PIGN: variants seen among roughly 807,000 people sequenced by gnomAD.
PIGN encodes the protein phosphatidylinositol glycan anchor biosynthesis class N.
PIGN carries 117 observed loss-of-function variants against 125.4 expected under a neutral mutation model. That is an observed-to-expected ratio of 0.93 (90% confidence interval 0.80 to 1.09). PIGN has a LOEUF of 1.09. Ranked by LOEUF, PIGN falls within the 50% of genes least tolerant of loss-of-function variation. The pLI is 0.00. For missense variants in PIGN, 1,075 were observed against 1,094.9 expected (o/e 0.98, Z 0.26); for synonymous variants, 392 against 377.8 (o/e 1.04, Z -0.44).
chr18:62,065,611 C>T (rs941015983), intron 30 of PIGN, among the ~76,000 whole-genome samples: 48 of 152,004 alleles, frequency 3.2e-4, no homozygotes, highest in Middle Eastern at 3.4e-3. Flanking sequence ...AGGTGGTGGG[C>T]GCCTGTAGTC....
At chr18:62,037,330 T>C (rs997083227), downstream of PIGN, among the ~76,000 whole-genome samples, 3 of 152,250 alleles carry the variant, frequency 2.0e-5, no homozygotes, top group Non-Finnish European at 2.9e-5. Flanking sequence ...ATTTAGTCTC[T>C]TGGAACTTCA....
rs1218581451 is a variant in PIGN at position 62,113,284 on chromosome 18, T to C, written c.1284A>G (p.Ala428=). 3.7e-6 allele frequency: 6 copies of C among 1,611,774 alleles called. No individual in the cohort carries two copies. Among genetic ancestry groups the C allele is most frequent in the Non-Finnish European group, 1.7e-6 (2 of 1,178,926 alleles). ...VSLCKELIHL[A]LKGLSYYHTY... Reference sequence around the variant, plus strand: ...TGTGATAATAGGACAATCCTTTCAATGCAAGATGAATTAGCTCCTTGCAAA... The same window carrying C: ...TGTGATAATAGGACAATCCTTTCAACGCAAGATGAATTAGCTCCTTGCAAA... The change falls in exon 16 of 31, where the codon GCA becomes GCG. Residue 428 remains alanine, a synonymous_variant. Transcript: ENST00000640252.
chr18:62,177,490 T>C (rs529104222), intron 1 of PIGN, among the ~76,000 whole-genome samples: 1 of 152,334 alleles, frequency 6.6e-6, no homozygotes, highest in East Asian at 1.9e-4. Context: ...TTAACGTCTT[T>C]GTCTACTAAG....
At chr18:62,053,044 A>G (rs372731247) in intron 30 of PIGN, 12 of 319,714 alleles carry the variant, frequency 3.8e-5, no homozygotes, top group African/African-American at 1.5e-4. Flanking sequence ...GGTAAAGACA[A>G]TAAGTTTTCC....
At chr18:62,061,746 T>C (rs993886318) in intron 30 of PIGN, among the ~76,000 whole-genome samples, 1 of 152,144 alleles carries the variant, frequency 6.6e-6, no homozygotes, top group African/African-American at 2.4e-5. Flanking sequence ...ATCAGCGACA[T>C]GACAAGAAAC....
At chr18:62,086,891 GACA>G (rs146114135) in intron 25 of PIGN, among the ~76,000 whole-genome samples, 50,413 of 151,602 alleles carry the variant, frequency 0.33, 9,260 homozygotes, top group East Asian at 0.63. Context: ...AGTTAAATAT[GACA>G]ACAAGTTGGA....
intron 4 of PIGN, chr18:62,158,088 A>G (rs1002693429): frequency 3.5e-6 from 1 of 283,310 alleles, no homozygotes; most frequent in Admixed American, 4.6e-5. Flanking sequence ...TTTAAGCCAC[A>G]AAACAGAGAT....
At chr18:62,069,899 TAAAC>T (rs2032744311) in intron 30 of PIGN, 1 of 152,188 alleles carries the variant, frequency 6.6e-6, no homozygotes, top group South Asian at 2.1e-4. Flanking sequence ...AAAAGTCTCA[TAAAC>T]AAAATACTGT....
chr18:62,101,721 T>C (rs1349694016), intron 21 of PIGN, among the ~76,000 whole-genome samples: 1 of 152,216 alleles, frequency 6.6e-6, no homozygotes, highest in Non-Finnish European at 1.5e-5. Context: ...CCATCTACTA[T>C]CCAAGCTCTA....
intron 16 of PIGN, chr18:62,112,809 C>G: frequency 3.1e-6 from 1 of 319,592 alleles, no homozygotes; most frequent in African/African-American, 2.1e-5. Flanking sequence ...ACCAGTTGTA[C>G]TAGAAAGATA....
intron 14 of PIGN, among the ~76,000 whole-genome samples, chr18:62,116,627 T>C (rs1322534952): frequency 2.0e-5 from 3 of 152,238 alleles, no homozygotes; most frequent in Non-Finnish European, 2.9e-5. Flanking sequence ...AGTGGTCTAA[T>C]GATCAGTTTA....
At chr18:62,088,653 C>T in intron 25 of PIGN, 103 bp downstream of exon 25, 1 of 703,976 alleles carries the variant, frequency 1.4e-6, no homozygotes, top group Non-Finnish European at 2.5e-6. Flanking sequence ...GGTTAAAGTA[C>T]TTAACACCAC....
chr18:62,155,853 C>A (rs369658721), intron 6 of PIGN, among the ~76,000 whole-genome samples: 1 of 152,146 alleles, frequency 6.6e-6, no homozygotes, highest in South Asian at 2.1e-4. Context: ...CCCAAAAAAA[C>A]GAAACTGCTT....
intron 28 of PIGN, 98 bp downstream of exon 28, chr18:62,082,575 C>A: frequency 3.2e-6 from 2 of 631,684 alleles, no homozygotes; most frequent in Non-Finnish European, 5.6e-6. Flanking sequence ...ATCTATGTTA[C>A]AGTGTCTTAA....
At chr18:62,102,583 T>C (rs1431430003) in intron 21 of PIGN, among the ~76,000 whole-genome samples, 4 of 151,974 alleles carry the variant, frequency 2.6e-5, no homozygotes, top group African/African-American at 9.7e-5. Context: ...TCTTCAGGCA[T>C]CACTGGGCTG....
At chr18:62,149,095 T>C (rs565699289) in intron 7 of PIGN, among the ~76,000 whole-genome samples, 10 of 152,332 alleles carry the variant, frequency 6.6e-5, no homozygotes, top group African/African-American at 2.2e-4. Context: ...AGATACATCT[T>C]TGTTGTTCAC....
chr18:62,170,375 G>GCC, intron 1 of PIGN, among the ~76,000 whole-genome samples: 1 of 151,922 alleles, frequency 6.6e-6, no homozygotes, highest in East Asian at 1.9e-4. Flanking sequence ...CTCACTTCAT[G>GCC]TCTGTGTCAT....
At chr18:62,114,707 T>A in intron 14 of PIGN, 68 bp from the exon 15 acceptor site, 1 of 691,894 alleles carries the variant, frequency 1.4e-6, no homozygotes, top group Non-Finnish European at 2.2e-6. Flanking sequence ...TTTTTTCCCC[T>A]TAATTAAAAA....
chr18:62,180,273 GTTTT>G (rs1310569611), intron 1 of PIGN, among the ~76,000 whole-genome samples: 1 of 152,070 alleles, frequency 6.6e-6, no homozygotes, highest in African/African-American at 2.4e-5. Flanking sequence ...GAAAAAGTGT[GTTTT>G]TTTCCTGTGT....
Sources: allele counts gnomAD v4.1 joint callset (sites outside exome capture counted in the v4.1 genomes callset), GRCh38; gene constraint gnomAD v4.1.1; transcripts MANE v1.5; gene names NCBI Gene and HGNC (gene_info 2026-07-23, HGNC 2026-07-21).